BRINP1: variants seen among roughly 807,000 people sequenced by gnomAD.
BRINP1 encodes the protein BMP/retinoic acid-inducible neural-specific protein 1.
In BRINP1, 17 loss-of-function variants were observed where a neutral mutation model predicts 72.9. The ratio of observed to expected loss-of-function variants is 0.23; its 90% confidence interval spans 0.16 to 0.35. BRINP1 has a LOEUF of 0.35. Among genes scored for constraint, BRINP1 ranks in the 10% least tolerant of loss-of-function variants. The probability of loss-of-function intolerance (pLI) is 1.00; values close to 1 mark genes in which losing one functional copy is unlikely to be tolerated. For missense variants in BRINP1, 850 were observed against 1,001.6 expected, an observed-to-expected ratio of 0.85 and a Z score of 2.04; for synonymous variants, 418 against 378.5, an observed-to-expected ratio of 1.10 and a Z score of -1.21.
At chr9:119,224,762 T>A (rs1214210533) in intron 5 of BRINP1, among the ~76,000 whole-genome samples, 1 of 152,040 alleles carries the variant, frequency 6.6e-6, no homozygotes, top group Non-Finnish European at 1.5e-5. Flanking sequence ...TCCTAAAGTG[T>A]CTTGCCCAAA....
In BRINP1 at chr9:119,358,515, G is replaced by A. The variant is rs529481726; in HGVS notation, c.-51+10541C>T. On this transcript the variant is annotated intron_variant, in intron 1 of 7. Transcript: ENST00000265922. ...TCTAGACCAGCCTCAGCAACACAGTGAAACCCCGTATCTACCAAAATATAA... is the reference window on the plus strand; with the variant it reads ...TCTAGACCAGCCTCAGCAACACAGTAAAACCCCGTATCTACCAAAATATAA... Among the ~76,000 whole-genome samples, 4 of 152,122 alleles carry A rather than the reference G, an allele frequency of 2.6e-5. No individual in the cohort carries two copies. The East Asian group carries it at 7.7e-4, about 29-fold the overall frequency.
At chr9:119,262,503 G>A (rs536994163) in intron 2 of BRINP1, among the ~76,000 whole-genome samples, 41 of 151,714 alleles carry the variant, frequency 2.7e-4, no homozygotes, top group Non-Finnish European at 4.1e-4. Flanking sequence ...ATAAATTGCC[G>A]GGCGCGGTGG....
rs373859060 is a variant in BRINP1 at position 119,227,083 on chromosome 9, CA to C, written c.685+11571del. ...ATACCTGGCACATGATAATTATTCA[CA>C]AATAATAGCCGTTATTGTTAGTATT... is the stretch of plus-strand genomic sequence containing the variant. On this transcript the variant is annotated intron_variant, in intron 5 of 7. Coordinates refer to ENST00000265922, the MANE Select transcript of BRINP1 (RefSeq NM_014618.3). Among the ~76,000 whole-genome samples, 1,199 of 152,106 alleles carry C rather than the reference CA, an allele frequency of 7.9e-3. 12 individuals carry two copies. Among genetic ancestry groups the C allele is most frequent in the Middle Eastern group, 0.024 (7 of 294 alleles).
chr9:119,295,424 T>C (rs114090523), intron 2 of BRINP1, among the ~76,000 whole-genome samples: 67 of 152,320 alleles, frequency 4.4e-4, no homozygotes, highest in African/African-American at 1.6e-3. Flanking sequence ...CTAGGCTCTA[T>C]AGCATAGCCT....
rs2119051901 is a variant in BRINP1 at position 119,369,109 on chromosome 9, G to C, written c.-104C>G. 2 of 397,868 alleles carry C rather than the reference G, an allele frequency of 5.0e-6. No homozygotes were observed. The highest frequency in any genetic ancestry group is 7.1e-5 in the East Asian group (2 of 27,980). The allele number at this position is 397,868 out of a possible 1,614,324, so 24.6% of individuals were successfully genotyped here. ...AGCTGCGGGAGGACGCTTTTTATTC[G>C]GCTCGGTGGGAACTTGGGAGAGCCC... On this transcript the variant is annotated 5_prime_UTR_variant, in exon 1 of 8. Coordinates refer to ENST00000265922, the MANE Select transcript of BRINP1 (RefSeq NM_014618.3).
At chr9:119,312,005 A>G (rs1831073691) in intron 2 of BRINP1, among the ~76,000 whole-genome samples, 1 of 152,304 alleles carries the variant, frequency 6.6e-6, no homozygotes. Flanking sequence ...CATCTCATAG[A>G]GGAGGTTATG....
chr9:119,359,028 T>C (rs1198871977), intron 1 of BRINP1, among the ~76,000 whole-genome samples: 1 of 152,164 alleles, frequency 6.6e-6, no homozygotes, highest in African/African-American at 2.4e-5. Context: ...TTTGAGCACA[T>C]ACCTGAGAGT....
intron 5 of BRINP1, among the ~76,000 whole-genome samples, chr9:119,237,485 C>T (rs1830203635): frequency 6.6e-6 from 1 of 151,686 alleles, no homozygotes; most frequent in South Asian, 2.1e-4. Flanking sequence ...ACCTCAGCTT[C>T]CCGAGTAGCT....
intron 2 of BRINP1, among the ~76,000 whole-genome samples, chr9:119,266,439 T>C (rs773583400): frequency 1.3e-5 from 2 of 152,238 alleles, no homozygotes; most frequent in Non-Finnish European, 2.9e-5. Flanking sequence ...GATTATTTAA[T>C]ACAATGTGGA....
At chr9:119,365,904 T>C (rs1180057020) in intron 1 of BRINP1, among the ~76,000 whole-genome samples, 1 of 152,086 alleles carries the variant, frequency 6.6e-6, no homozygotes, top group Non-Finnish European at 1.5e-5. Context: ...AAAGGCTCTA[T>C]TGCAGATGGG....
intron 2 of BRINP1, among the ~76,000 whole-genome samples, chr9:119,268,243 AATAAATAGATAG>A (rs1195976655): frequency 1.8e-4 from 15 of 84,288 alleles, no homozygotes; most frequent in African/African-American, 4.9e-4. Context: ...ACTCTGTCTC[AATAAATAGATAG>A]ATAGATAGAT....
At chr9:119,282,956 A>G in intron 2 of BRINP1, 1 of 985,392 alleles carries the variant, frequency 1.0e-6, no homozygotes, top group South Asian at 4.7e-5. Flanking sequence ...ATGTTATATT[A>G]ATCACAGCTG....
intron 3 of BRINP1, among the ~76,000 whole-genome samples, chr9:119,248,170 T>C (rs1255740870): frequency 6.6e-6 from 1 of 152,154 alleles, no homozygotes; most frequent in Non-Finnish European, 1.5e-5. Flanking sequence ...TGCCAATCTC[T>C]CCTAGTGGGC....
chr9:119,281,171 T>A (rs1830707153), intron 2 of BRINP1, among the ~76,000 whole-genome samples: 1 of 152,180 alleles, frequency 6.6e-6, no homozygotes, highest in Non-Finnish European at 1.5e-5. Flanking sequence ...GGGTCAGGAA[T>A]TACACACAGT....
chr9:119,318,407 G>C (rs1831148103), intron 1 of BRINP1, among the ~76,000 whole-genome samples: 1 of 152,188 alleles, frequency 6.6e-6, no homozygotes, highest in Admixed American at 6.5e-5. Context: ...CCATTGCACT[G>C]TTTTATCATG....
At chr9:119,189,324 G>A (rs901880815) in intron 7 of BRINP1, among the ~76,000 whole-genome samples, 14 of 152,038 alleles carry the variant, frequency 9.2e-5, no homozygotes, top group African/African-American at 2.2e-4. Flanking sequence ...AAATTCTTCC[G>A]TATCAATAAT....
At chr9:119,261,559 A>G (rs913190975) in intron 2 of BRINP1, among the ~76,000 whole-genome samples, 1 of 152,116 alleles carries the variant, frequency 6.6e-6, no homozygotes, top group African/African-American at 2.4e-5. Context: ...GCACATAAAA[A>G]TGGTTTCTCT....
chr9:119,266,013 T>G (rs1830545175), intron 2 of BRINP1, among the ~76,000 whole-genome samples: 1 of 152,176 alleles, frequency 6.6e-6, no homozygotes, highest in Admixed American at 6.5e-5. Flanking sequence ...ACAGGCAAAT[T>G]GTTGTTCTTT....
At chr9:119,199,921 A>T (rs1030102332) in intron 7 of BRINP1, among the ~76,000 whole-genome samples, 1 of 152,164 alleles carries the variant, frequency 6.6e-6, no homozygotes, top group East Asian at 1.9e-4. Context: ...CAATTTTACT[A>T]AACTGTCTGG....
Sources: allele counts gnomAD v4.1 joint callset (sites outside exome capture counted in the v4.1 genomes callset), GRCh38; gene constraint gnomAD v4.1.1; transcripts MANE v1.5; gene names NCBI Gene and HGNC (gene_info 2026-07-23, HGNC 2026-07-21).